The following MAST2 variants were observed in gnomAD, a reference collection of about 807,000 sequenced individuals.
MAST2 encodes microtubule associated serine/threonine kinase 2.
MAST2 carries 70 observed loss-of-function variants against 147.4 expected under a neutral mutation model. The ratio of observed to expected loss-of-function variants is 0.47; its 90% CI spans 0.39 to 0.58. The LOEUF is 0.58. MAST2 is among the 20% of genes least tolerant of loss of function. The pLI is 0.00. For synonymous variants in MAST2, 869 were observed against 896.8 expected, an observed-to-expected ratio of 0.97 and a Z score of 0.55; for missense variants, 2,080 against 2,302.3, an observed-to-expected ratio of 0.90 and a Z score of 1.98.
intron 4 of MAST2, among the ~76,000 whole-genome samples, chr1:45,955,729 C>T (rs761882161): frequency 7.9e-5 from 12 of 151,986 alleles, no homozygotes; most frequent in South Asian, 2.1e-4. Flanking sequence ...CTAAGAAAGG[C>T]GAGGAGGCCG....
chr1:46,000,725 T>C (rs960725814), intron 6 of MAST2, among the ~76,000 whole-genome samples: 2 of 152,202 alleles, frequency 1.3e-5, no homozygotes, highest in Non-Finnish European at 2.9e-5. Context: ...GAATCGTTTG[T>C]TTCTGTGTTA....
chr1:45,907,996 A>G (rs542080808), intron 4 of MAST2, among the ~76,000 whole-genome samples: 1 of 152,140 alleles, frequency 6.6e-6, no homozygotes, highest in South Asian at 2.1e-4. Context: ...ATTTGTTGTG[A>G]TAACTCATCT....
In MAST2 at chr1:45,997,721, C is replaced by T. The variant is rs766608537; in HGVS notation, c.593-3C>T. Reference sequence around the variant, plus strand: ...AGAGTTTTGTTTCTTTTCCCATCCACAGGTAACAGTCCTTTGGACAGCCCC... The same window carrying T: ...AGAGTTTTGTTTCTTTTCCCATCCATAGGTAACAGTCCTTTGGACAGCCCC... On this transcript the variant is annotated splice_region_variant and splice_polypyrimidine_tract_variant and intron_variant, in intron 5 of 28. Coordinates refer to ENST00000361297, the MANE Select transcript of MAST2 (RefSeq NM_015112.3). 1.6e-5 allele frequency: 26 copies of T among 1,613,242 alleles called. No homozygotes were observed. The South Asian group carries it at 2.9e-4, about 18-fold the overall frequency.
At chr1:45,929,160 TCTC>T (rs1053897431) in intron 4 of MAST2, among the ~76,000 whole-genome samples, 1 of 152,184 alleles carries the variant, frequency 6.6e-6, no homozygotes, top group Admixed American at 6.5e-5. Context: ...AAAAGATGAT[TCTC>T]CTTCCCTTTA....
At chr1:45,808,291 C>T (rs1440031127) in intron 1 of MAST2, among the ~76,000 whole-genome samples, 1 of 152,036 alleles carries the variant, frequency 6.6e-6, no homozygotes, top group African/African-American at 2.4e-5. Flanking sequence ...AGTGCAGTGG[C>T]GCGATCTCGG....
intron 1 of MAST2, among the ~76,000 whole-genome samples, chr1:45,814,401 C>G (rs1644391984): frequency 6.6e-6 from 1 of 152,046 alleles, no homozygotes; most frequent in Admixed American, 6.6e-5. Flanking sequence ...TGATCTCGAC[C>G]CTGTGTAGGC....
intron 4 of MAST2, among the ~76,000 whole-genome samples, chr1:45,889,986 G>T (rs896308962): frequency 5.3e-5 from 8 of 151,970 alleles, no homozygotes; most frequent in Non-Finnish European, 8.8e-5. Context: ...CTCGTGATCC[G>T]CCTGCCTCGG....
At chr1:45,942,662 G>C (rs77908310) in intron 4 of MAST2, among the ~76,000 whole-genome samples, 1 of 152,164 alleles carries the variant, frequency 6.6e-6, no homozygotes, top group Admixed American at 6.5e-5. Flanking sequence ...GCTAGGGGCA[G>C]TAAATTGTGT....
At chr1:45,967,005 C>A (rs1661323950) in intron 5 of MAST2, among the ~76,000 whole-genome samples, 1 of 151,450 alleles carries the variant, frequency 6.6e-6, no homozygotes, top group South Asian at 2.1e-4. Flanking sequence ...AGTTGTATCT[C>A]ATTTAATTTT....
At position 46,031,569 on chromosome 1, in the gene MAST2, A is replaced by T. The variant is rs757768170; in HGVS notation, c.3171A>T (p.Ser1057=). 1 of 1,612,428 alleles carries T rather than the reference A, an allele frequency of 6.2e-7. No individual in the cohort carries two copies. Among genetic ancestry groups the T allele is most frequent in the Non-Finnish European group, 8.5e-7 (1 of 1,178,910 alleles). The change falls in exon 24 of 29, where the codon TCA becomes TCT. Residue 1057 remains serine (S), a synonymous_variant. Transcript: ENST00000361297. The surrounding 1 kb of genome is among the most constrained non-coding windows in gnomAD (Gnocchi z 4.1). ...AGTCCGCCTCAGCCACAGCCCTCTC[A>T]CTCCTCATTCCTTCGGGTGAGGCCC... ...VIKSASATAL[S]LLIPSEHHTC... is the part of the protein sequence containing the mutation.
intron 4 of MAST2, among the ~76,000 whole-genome samples, chr1:45,928,814 A>C (rs1654815619): frequency 6.6e-6 from 1 of 151,706 alleles, no homozygotes; most frequent in Non-Finnish European, 1.5e-5. Context: ...AGTTTATTTT[A>C]ATCTAGGGTG....
At chr1:45,972,155 G>C (rs1643937000) in intron 5 of MAST2, among the ~76,000 whole-genome samples, 1 of 152,178 alleles carries the variant, frequency 6.6e-6, no homozygotes, top group Admixed American at 6.6e-5. Context: ...TCGGCCCACT[G>C]CATCTTCTTT....
intron 4 of MAST2, among the ~76,000 whole-genome samples, chr1:45,941,230 A>C (rs1237924470): frequency 1.3e-5 from 2 of 152,082 alleles, no homozygotes; most frequent in Non-Finnish European, 2.9e-5. Flanking sequence ...TATTTATATA[A>C]GTTTTATTAG....
chr1:45,812,470 C>T (rs1008769322), intron 1 of MAST2, among the ~76,000 whole-genome samples: 3 of 149,328 alleles, frequency 2.0e-5, no homozygotes, highest in East Asian at 2.0e-4. Context: ...CACTGTTGCC[C>T]GGGCTGGAGT....
At chr1:45,834,073 C>T (rs1645036060) in intron 3 of MAST2, among the ~76,000 whole-genome samples, 1 of 152,102 alleles carries the variant, frequency 6.6e-6, no homozygotes, top group Admixed American at 6.6e-5. Context: ...TGTGACATTT[C>T]TGAAAAATCT....
chr1:45,834,478 G>T (rs1222930366), intron 3 of MAST2, among the ~76,000 whole-genome samples: 1 of 152,018 alleles, frequency 6.6e-6, no homozygotes, highest in African/African-American at 2.4e-5. Flanking sequence ...CCCCATATAT[G>T]TAGGAACCAT....
chr1:45,872,941 A>G (rs920485788), intron 3 of MAST2, among the ~76,000 whole-genome samples: 1 of 152,212 alleles, frequency 6.6e-6, no homozygotes, highest in Non-Finnish European at 1.5e-5. Context: ...AATATAGTCA[A>G]ACATTACTTA....
At chr1:45,916,862 C>T (rs940652583) in intron 4 of MAST2, among the ~76,000 whole-genome samples, 8 of 152,060 alleles carry the variant, frequency 5.3e-5, no homozygotes, top group Non-Finnish European at 8.8e-5. Context: ...GTGGATCACT[C>T]GAGGTCAGGA....
At chr1:45,939,841 A>T (rs1055174444) in intron 4 of MAST2, among the ~76,000 whole-genome samples, 1 of 152,000 alleles carries the variant, frequency 6.6e-6, no homozygotes, top group African/African-American at 2.4e-5. Context: ...TGCCTGGCCC[A>T]ATTTTTCAAT....
Sources: gnomAD v4.1 joint callset for allele counts (sites outside exome capture counted in the v4.1 genomes callset) on GRCh38, gnomAD v4.1.1 for gene constraint, Gnocchi (gnomAD v3.1) non-coding constraint, MANE v1.5 for transcripts, NCBI Gene and HGNC (gene_info 2026-07-23, HGNC 2026-07-21) for gene names.